The following NRG1 variants were observed in gnomAD, a reference collection of about 807,000 sequenced individuals.
The protein encoded by NRG1 is pro-neuregulin-1, membrane-bound isoform.
NRG1 carries 18 observed loss-of-function variants against 63.8 expected under a neutral mutation model. The observed-to-expected ratio is 0.28, with a 90% CI of 0.19 to 0.42. The LOEUF (loss-of-function observed/expected upper bound fraction) is 0.42, where lower values mean the gene tolerates loss of function less well. Among genes scored for constraint, NRG1 ranks in the 10% least tolerant of loss-of-function variants. NRG1 has a pLI of 1.00. For missense variants in NRG1, 762 were observed against 814.7 expected (o/e 0.94, Z 0.79); for synonymous variants, 302 against 301.3 (o/e 1.00, Z -0.02).
chr8:32,723,688 C>CAAAAAA (rs530225180), intron 5 of NRG1, among the ~76,000 whole-genome samples: 4 of 33,848 alleles, frequency 1.2e-4, no homozygotes, highest in East Asian at 1.6e-3. Flanking sequence ...GACTCCATCT[C>CAAAAAA]AAAAAAAAAA....
Position 32,619,340 on chromosome 8 carries a change from C to T in NRG1, c.502+2455C>T, listed in dbSNP as rs116932712. Among the ~76,000 whole-genome samples the T allele has an allele frequency of 8.3e-3, 1,267 of 152,110 alleles. 2 individuals carry two copies. Among genetic ancestry groups the T allele is most frequent in the Middle Eastern group, 0.027 (8 of 294 alleles). On this transcript the variant is annotated intron_variant, in intron 5 of 11. Transcript: ENST00000356819. ...GTGCCGTGTAGGGGACCATAAGGAGCCCTGTGGGGTTGGAGTAGAAGGAAC... is the reference window on the plus strand; with the variant it reads ...GTGCCGTGTAGGGGACCATAAGGAGTCCTGTGGGGTTGGAGTAGAAGGAAC...
At chr8:32,188,451 T>C (rs1324137422) in intron 1 of NRG1, among the ~76,000 whole-genome samples, 1 of 152,182 alleles carries the variant, frequency 6.6e-6, no homozygotes, top group Non-Finnish European at 1.5e-5. Flanking sequence ...AAGATGTCCA[T>C]GGCCTAATCT....
intron 1 of NRG1, among the ~76,000 whole-genome samples, chr8:32,002,630 A>G (rs1354774044): frequency 1.3e-5 from 2 of 152,014 alleles, no homozygotes; most frequent in African/African-American, 4.8e-5. Flanking sequence ...TCAAGGAGCT[A>G]TGACTCTTTT....
chr8:32,133,690 A>C (rs1835146460), intron 1 of NRG1, among the ~76,000 whole-genome samples: 1 of 152,154 alleles, frequency 6.6e-6, no homozygotes, highest in Admixed American at 6.6e-5. Flanking sequence ...TGGATTTTAC[A>C]TCTATTATAT....
chr8:31,687,287 G>A (rs951175781), intron 1 of NRG1, among the ~76,000 whole-genome samples: 2 of 152,104 alleles, frequency 1.3e-5, no homozygotes, highest in Non-Finnish European at 2.9e-5. Flanking sequence ...GATGAAGAAA[G>A]TTAAGCCACA....
chr8:32,716,810 G>T (rs1463274412), intron 5 of NRG1, among the ~76,000 whole-genome samples: 1 of 101,814 alleles, frequency 9.8e-6, no homozygotes, highest in Non-Finnish European at 2.1e-5. Context: ...GCATGTGTGT[G>T]TGTGCATGTG....
intron 1 of NRG1, among the ~76,000 whole-genome samples, chr8:31,688,017 C>T (rs1255510930): frequency 6.6e-6 from 1 of 152,338 alleles, no homozygotes; most frequent in East Asian, 1.9e-4. Context: ...TGGTGTTTCT[C>T]CTATGTCTGC....
intron 7 of NRG1, among the ~76,000 whole-genome samples, chr8:32,747,038 C>T (rs551810252): frequency 1.3e-5 from 2 of 151,776 alleles, no homozygotes; most frequent in Non-Finnish European, 2.9e-5. Flanking sequence ...ACCAATTTCC[C>T]ATTGAATTAT....
rs1346687798 is a variant in NRG1, at chr8:32,640,262, C to CACACACAT, written c.502+23384_502+23385insTACACACA. Among the ~76,000 whole-genome samples, 55 of 151,770 alleles carry CACACACAT rather than the reference C, an allele frequency of 3.6e-4. 1 individual carries two copies. Among genetic ancestry groups the CACACACAT allele is most frequent in the Admixed American group, 7.2e-4 (11 of 15,208 alleles). On this transcript the variant is annotated intron_variant, in intron 5 of 11. Coordinates refer to ENST00000356819, the Ensembl canonical transcript of NRG1. ...TCTTTTTGTCACACACACACACACACACACACACACACGCACGCACACACA... is the reference window on the plus strand; with the variant it reads ...TCTTTTTGTCACACACACACACACACACACACATACACACACACACGCACGCACACACA...
chr8:32,429,989 T>C (rs563834719), intron 1 of NRG1, among the ~76,000 whole-genome samples: 12 of 152,328 alleles, frequency 7.9e-5, no homozygotes, highest in African/African-American at 2.9e-4. Flanking sequence ...GAATGTGATA[T>C]GTGTGTGTAT....
chr8:32,596,831 A>G (rs1843452647), intron 2 of NRG1, among the ~76,000 whole-genome samples: 1 of 152,156 alleles, frequency 6.6e-6, no homozygotes, highest in South Asian at 2.1e-4. Context: ...GATAAAGCAC[A>G]TCATCATTCT....
At chr8:32,014,128 A>T (rs977167664) in intron 1 of NRG1, among the ~76,000 whole-genome samples, 1 of 152,174 alleles carries the variant, frequency 6.6e-6, no homozygotes, top group Non-Finnish European at 1.5e-5. Context: ...CATTGAATCT[A>T]TAAATTACTT....
chr8:31,824,315 G>GT (rs1379859020), intron 1 of NRG1, among the ~76,000 whole-genome samples: 1 of 151,794 alleles, frequency 6.6e-6, no homozygotes, highest in Admixed American at 6.6e-5. Flanking sequence ...GAGAATGATG[G>GT]TTTCCAGCTT....
chr8:32,156,507 A>C (rs1838083534), intron 1 of NRG1, among the ~76,000 whole-genome samples: 1 of 152,216 alleles, frequency 6.6e-6, no homozygotes. Flanking sequence ...AGTGCCTGGC[A>C]TAATATCTAA....
At chr8:31,970,419 A>G (rs1807085684) in intron 1 of NRG1, among the ~76,000 whole-genome samples, 1 of 152,160 alleles carries the variant, frequency 6.6e-6, no homozygotes, top group Non-Finnish European at 1.5e-5. Context: ...CATTTTAATA[A>G]CAAAGATTAA....
intron 1 of NRG1, among the ~76,000 whole-genome samples, chr8:32,050,913 A>G (rs994277089): frequency 5.9e-5 from 9 of 152,208 alleles, no homozygotes; most frequent in Admixed American, 5.9e-4. Flanking sequence ...AGTGTAATGT[A>G]TAACATAAAG....
At chr8:32,634,257 T>G (rs1397899802) in intron 5 of NRG1, among the ~76,000 whole-genome samples, 1 of 152,164 alleles carries the variant, frequency 6.6e-6, no homozygotes, top group Non-Finnish European at 1.5e-5. Context: ...CCTTTTCATT[T>G]TATTTTAATT....
chr8:31,990,511 T>C (rs1810881484), intron 1 of NRG1, among the ~76,000 whole-genome samples: 1 of 152,072 alleles, frequency 6.6e-6, no homozygotes, highest in East Asian at 1.9e-4. Context: ...TAGCAGGGCA[T>C]TTCTAGTTGC....
At chr8:32,246,630 A>C (rs1190709161) in intron 1 of NRG1, among the ~76,000 whole-genome samples, 2 of 152,214 alleles carry the variant, frequency 1.3e-5, no homozygotes, top group Non-Finnish European at 2.9e-5. Flanking sequence ...AAGCCTTAAA[A>C]ATTACTTTGA....
Sources: gnomAD v4.1 joint callset for allele counts (sites outside exome capture counted in the v4.1 genomes callset) on GRCh38, gnomAD v4.1.1 for gene constraint, MANE v1.5 for transcripts, NCBI Gene and HGNC (gene_info 2026-07-23, HGNC 2026-07-21) for gene names.